The following ASAH2 variants were observed in gnomAD, a reference collection of about 807,000 sequenced individuals.
ASAH2 encodes the protein neutral ceramidase.
In ASAH2, 58 loss-of-function variants were observed where a neutral mutation model predicts 82.9. The ratio of observed to expected loss-of-function variants is 0.70; its 90% confidence interval spans 0.57 to 0.87. The LOEUF (loss-of-function observed/expected upper bound fraction) is 0.87. ASAH2 is among the 40% of genes least tolerant of loss of function. The probability of loss-of-function intolerance (pLI) is 0.00; values close to 1 mark genes in which losing one functional copy is unlikely to be tolerated. For synonymous variants in ASAH2, 276 were observed against 289.7 expected (o/e 0.95, Z 0.48); for missense variants, 779 against 834.0 (o/e 0.93, Z 0.81).
At position 50,196,381 on chromosome 10, in the gene ASAH2, C is replaced by T. The variant is rs1304798100; in HGVS notation, c.2004+392G>A. 5.3e-5 allele frequency among the ~76,000 whole-genome samples: 8 copies of T among 151,682 alleles called. No homozygotes were observed. The East Asian group carries it at 1.6e-3, about 30-fold the overall frequency. On this transcript the variant is annotated intron_variant, in intron 18 of 20. Coordinates refer to ENST00000682911, the MANE Select transcript of ASAH2 (RefSeq NM_019893.4). Reference sequence around the variant, plus strand: ...ACTCCCCTCTTACTCATCCCTCCTCCCCCCAGAAAAACTGTTGAAACTAAT... The same window carrying T: ...ACTCCCCTCTTACTCATCCCTCCTCTCCCCAGAAAAACTGTTGAAACTAAT...
chr10:50,228,716 GT>G (rs1374725425), intron 7 of ASAH2, among the ~76,000 whole-genome samples: 1 of 151,866 alleles, frequency 6.6e-6, no homozygotes, highest in Non-Finnish European at 1.5e-5. Context: ...GAATAAAAGG[GT>G]TTGCAATACA....
At chr10:50,223,251 C>T (rs1020739969) in intron 7 of ASAH2, among the ~76,000 whole-genome samples, 27 of 152,078 alleles carry the variant, frequency 1.8e-4, no homozygotes, top group African/African-American at 6.5e-4. Context: ...AGAAAAAGAT[C>T]TCTAGTGATT....
intron 7 of ASAH2, among the ~76,000 whole-genome samples, chr10:50,225,518 A>C (rs932667206): frequency 1.9e-4 from 29 of 152,326 alleles, no homozygotes; most frequent in Admixed American, 7.2e-4. Context: ...TATTTGAGCC[A>C]AACCGTGAAT....
chr10:50,238,241 A>T (rs1846206597), intron 4 of ASAH2, among the ~76,000 whole-genome samples: 1 of 152,126 alleles, frequency 6.6e-6, no homozygotes, highest in Non-Finnish European at 1.5e-5. Context: ...AGTGGGGAGT[A>T]GCAGCTTCTA....
intron 7 of ASAH2, among the ~76,000 whole-genome samples, chr10:50,227,863 G>C (rs1845930056): frequency 6.6e-6 from 1 of 152,244 alleles, no homozygotes; most frequent in African/African-American, 2.4e-5. Flanking sequence ...CGGGGCAGGG[G>C]AGAGGGGTGA....
chr10:50,203,732 T>C, intron 14 of ASAH2, 53 bp from the exon 15 acceptor site: 1 of 1,546,120 alleles, frequency 6.5e-7, no homozygotes, highest in East Asian at 2.2e-5. Context: ...GTATGCAGAG[T>C]ACACAGAAAC....
At chr10:50,201,551 C>G (rs1343555035) in intron 16 of ASAH2, among the ~76,000 whole-genome samples, 1 of 152,096 alleles carries the variant, frequency 6.6e-6, no homozygotes, top group Non-Finnish European at 1.5e-5. Flanking sequence ...AGCCACACCC[C>G]TGTTGCACAT....
At chr10:50,214,534 C>T (rs1513233) in intron 9 of ASAH2, among the ~76,000 whole-genome samples, 1 of 152,014 alleles carries the variant, frequency 6.6e-6, no homozygotes, top group African/African-American at 2.4e-5. Flanking sequence ...CATTCAAAAA[C>T]CTTAACAGTC....
Position 50,248,577 on chromosome 10 carries a change from A to G in ASAH2, c.34T>C (p.Phe12Leu). Reference protein sequence around the residue: ...AKRTFSNLETFLIFLLVMMSA... With the variant: ...AKRTFSNLETLLIFLLVMMSA... ...ATCATTACAAGGAGGAAAATCAGGA[A>G]TGTCTCCAAGTTAGAGAAGGTGCGT... The change falls in exon 2 of 21, where the codon TTC (phenylalanine) becomes CTC (leucine). Residue 12 changes from phenylalanine (F) to leucine (L), a missense_variant. Phe to Leu is a conservative substitution (Grantham distance 22). Around this residue, in one of 3 missense-constraint regions of ASAH2, gnomAD observed 759 missense variants for 755.2 expected, o/e 1.00. Coordinates refer to ENST00000682911, the MANE Select transcript of ASAH2 (RefSeq NM_019893.4). 6.2e-7 allele frequency: 1 copy of G among 1,613,738 alleles called. No homozygotes were observed. Among genetic ancestry groups the G allele is most frequent in the Non-Finnish European group, 8.5e-7 (1 of 1,179,652 alleles).
chr10:50,249,386 G>A (rs1846556844), intron 1 of ASAH2, among the ~76,000 whole-genome samples: 1 of 152,132 alleles, frequency 6.6e-6, no homozygotes, highest in Non-Finnish European at 1.5e-5. Flanking sequence ...GATGTTTTAA[G>A]GGAGGGAGAA....
intron 7 of ASAH2, among the ~76,000 whole-genome samples, chr10:50,229,885 T>C (rs1020754172): frequency 6.6e-6 from 1 of 152,208 alleles, no homozygotes; most frequent in Non-Finnish European, 1.5e-5. Flanking sequence ...TTCTTAGCAC[T>C]GAGCCCAATT....
At chr10:50,197,298 T>C (rs1379471222) in intron 17 of ASAH2, among the ~76,000 whole-genome samples, 2 of 151,746 alleles carry the variant, frequency 1.3e-5, no homozygotes, top group African/African-American at 4.8e-5. Context: ...TTTTAAAAAG[T>C]ATTGAGCCAC....
chr10:50,194,965 A>G (rs1264060682), intron 18 of ASAH2, among the ~76,000 whole-genome samples: 2 of 151,682 alleles, frequency 1.3e-5, no homozygotes, highest in African/African-American at 2.4e-5. Flanking sequence ...GAAAAGCTCC[A>G]TGATGTTGGT....
At chr10:50,221,087 G>T (rs1409630102) in intron 7 of ASAH2, among the ~76,000 whole-genome samples, 1 of 152,106 alleles carries the variant, frequency 6.6e-6, no homozygotes, top group South Asian at 2.1e-4. Flanking sequence ...TTGCCCCTGT[G>T]CTAAGGAATA....
At chr10:50,199,018 G>C in intron 17 of ASAH2, 33 bp downstream of exon 17, 3 of 1,599,508 alleles carry the variant, frequency 1.9e-6, no homozygotes, top group Non-Finnish European at 2.6e-6. Context: ...ACACACGCAC[G>C]CGCGCATGCA....
chr10:50,214,744 C>T lies in ASAH2; in HGVS notation c.1139G>A (p.Gly380Glu). ...ATTTCATGTGTCATAATTACCTACC[C>T]CACCAATGGGACAAGTGCTATTGGC... ...DNANSTCPIG[G>E]PSMCIAKGPG... The change falls in exon 9 of 21, where the codon GGG (glycine) becomes GAG (glutamate). Residue 380 changes from glycine to glutamate, a missense_variant and splice_region_variant. Physicochemically the swap from Gly to Glu is moderately conservative, Grantham distance 98 (BLOSUM62 -2). This residue lies in a region of ASAH2 where 759 missense variants were observed against 755.2 expected (regional missense o/e 1.00). Transcript: ENST00000682911. The T allele has an allele frequency of 6.2e-7, 1 of 1,613,604 alleles. No individual in the cohort carries two copies. The highest frequency in any genetic ancestry group is 8.5e-7 in the Non-Finnish European group (1 of 1,179,638).
In ASAH2 at chr10:50,216,713, C is replaced by T. The variant is rs1024517180; in HGVS notation, c.1014+1797G>A. Among the ~76,000 whole-genome samples the T allele has an allele frequency of 3.9e-5, 6 of 152,294 alleles. No homozygotes were observed. In the South Asian group the frequency reaches 1.0e-3, roughly 26 times the overall value. ...ACATAATTAGAGCCATGCAAGTCCT[C>T]TGCCTCAACCCAACCACTCTACCAT... On this transcript the variant is annotated intron_variant, in intron 8 of 20. Transcript: ENST00000682911.
intron 8 of ASAH2, among the ~76,000 whole-genome samples, chr10:50,218,110 T>TG (rs1253208291): frequency 1.7e-4 from 24 of 140,988 alleles, no homozygotes; most frequent in African/African-American, 5.7e-4. Flanking sequence ...GGTGATAGAG[T>TG]GAAACTCTGT....
intron 8 of ASAH2, 123 bp downstream of exon 8, chr10:50,218,387 T>C: frequency 7.3e-7 from 1 of 1,367,460 alleles, no homozygotes; most frequent in African/African-American, 1.4e-5. Context: ...TATTCAAGCA[T>C]ACCAATATGT....
Sources: gnomAD v4.1 joint callset for allele counts (sites outside exome capture counted in the v4.1 genomes callset) on GRCh38, gnomAD v4.1.1 for gene constraint, gnomAD v4.1.1 regional missense constraint, MANE v1.5 for transcripts, NCBI Gene and HGNC (gene_info 2026-07-23, HGNC 2026-07-21) for gene names.